GRB10: variants seen among roughly 807,000 people sequenced by gnomAD.
GRB10 encodes the protein growth factor receptor bound protein 10.
Under a neutral mutation model 80.9 loss-of-function variants are expected in GRB10, and 20 were observed. The ratio of observed to expected loss-of-function variants is 0.25; its 90% confidence interval spans 0.17 to 0.36. The LOEUF is 0.36. Among genes scored for constraint, GRB10 ranks in the 10% least tolerant of loss-of-function variants. GRB10 has a pLI of 1.00. For missense variants in GRB10, 548 were observed against 747.7 expected, an observed-to-expected ratio of 0.73 and a Z score of 3.12; for synonymous variants, 291 against 291.5, an observed-to-expected ratio of 1.00 and a Z score of 0.02.
rs760888478 is a variant in GRB10 at position 50,605,422 on chromosome 7, C to T, written c.1273-16G>A. The stretch of plus-strand genomic sequence containing the variant: ...AGACACTGCGCTGAAAAGGAAAGGC[C>T]GCAGTTCTTAAAATGCAGGGAAATA... On this transcript the variant is annotated splice_polypyrimidine_tract_variant and intron_variant, in intron 14 of 18. Transcript: ENST00000401949. 36 of 1,594,392 alleles carry T rather than the reference C, an allele frequency of 2.3e-5. No homozygotes were observed. In the East Asian group the frequency reaches 3.8e-4, roughly 17 times the overall value.
At chr7:50,724,366 T>C (rs988128703) in intron 4 of GRB10, among the ~76,000 whole-genome samples, 1 of 152,196 alleles carries the variant, frequency 6.6e-6, no homozygotes, top group Admixed American at 6.5e-5. Context: ...AAAAATACGA[T>C]ACACACCCAC....
chr7:50,770,146 G>A lies in GRB10; in HGVS notation c.-217+10481C>T, dbSNP rs995547749. Among the ~76,000 whole-genome samples, 7 of 152,200 alleles carry A rather than the reference G, an allele frequency of 4.6e-5. No individual in the cohort carries two copies. The East Asian group carries it at 1.3e-3, about 29-fold the overall frequency. Reference sequence around the variant, plus strand: ...CCTGGTCCCAGGCTCTCTAGACTCAGGCGACTGAAGCTAATCACTTCATCT... The same window carrying A: ...CCTGGTCCCAGGCTCTCTAGACTCAAGCGACTGAAGCTAATCACTTCATCT... On this transcript the variant is annotated intron_variant, in intron 2 of 18. Transcript: ENST00000401949.
chr7:50,785,684 C>T (rs2078664088), upstream of GRB10, among the ~76,000 whole-genome samples: 1 of 152,272 alleles, frequency 6.6e-6, no homozygotes, highest in African/African-American at 2.4e-5. Flanking sequence ...TCCCTCCTTC[C>T]AGCCTCCCTC....
At chr7:50,661,612 CTT>C (rs912362419) in intron 7 of GRB10, among the ~76,000 whole-genome samples, 7 of 152,204 alleles carry the variant, frequency 4.6e-5, no homozygotes, top group African/African-American at 1.7e-4. Flanking sequence ...ACCCCGCCCT[CTT>C]GTCTCAGCAC....
chr7:50,666,353 G>A (rs1460743862), intron 7 of GRB10, among the ~76,000 whole-genome samples: 1 of 152,204 alleles, frequency 6.6e-6, no homozygotes, highest in African/African-American at 2.4e-5. Flanking sequence ...GAGGGAGGCG[G>A]CATTGGAGGA....
rs1446799335 is a variant in GRB10, at chr7:50,674,625, T to C, written c.173A>G (p.Asp58Gly). ...DDVDLEALVN[D>G]MNASLESLYS... Reference sequence around the variant, plus strand: ...CAGGCTCTCCAGGGATGCATTCATATCGTTCACCAGGGCTTCCAGGTCCAC... The same window carrying C: ...CAGGCTCTCCAGGGATGCATTCATACCGTTCACCAGGGCTTCCAGGTCCAC... The change falls in exon 6 of 19, where the codon GAT becomes GGT. Residue 58 changes from aspartate to glycine, a missense_variant. Transcript: ENST00000401949. 3 of 1,613,880 alleles carry C rather than the reference T, an allele frequency of 1.9e-6. No individual in the cohort carries two copies. Among genetic ancestry groups the C allele is most frequent in the Non-Finnish European group, 1.7e-6 (2 of 1,180,036 alleles).
rs937362088 is a variant in GRB10 at position 50,590,147 on chromosome 7, A to T, written c.*2805T>A. The T allele has an allele frequency of 3.3e-5, 5 of 152,248 alleles. No homozygotes were observed. Among genetic ancestry groups the T allele is most frequent in the African/African-American group, 7.2e-5 (3 of 41,466 alleles). The allele number at this position is 152,248 out of a possible 1,614,324, so 9.4% of individuals were successfully genotyped here. A position where few individuals can be genotyped will look rare whatever the true frequency, so the allele number is the denominator to read the frequency against. The stretch of plus-strand genomic sequence containing the variant: ...CCTTATTTGTACAAAAATACCTGAA[A>T]GTTTACAATTAGGTTCACGAGCCAA... On this transcript the variant is annotated 3_prime_UTR_variant, in exon 19 of 19. Transcript: ENST00000401949.
Position 50,782,164 on chromosome 7 carries a change from T to C in GRB10, c.-327+260A>G, listed in dbSNP as rs1372221305. The stretch of plus-strand genomic sequence containing the variant: ...TACAGTTATTACTCGTTACATAATA[T>C]TAAACAATTAAGATTAAAAATGGTT... On this transcript the variant is annotated intron_variant, in intron 1 of 18. Transcript: ENST00000401949. The surrounding 1 kb of genome is among the most constrained non-coding windows in gnomAD (Gnocchi z 6.6). Among the ~76,000 whole-genome samples, 8 of 152,188 alleles carry C rather than the reference T, an allele frequency of 5.3e-5. No individual in the cohort carries two copies. The highest frequency in any genetic ancestry group is 8.8e-5 in the Non-Finnish European group (6 of 68,024).
chr7:50,770,110 C>T (rs2076831857), intron 2 of GRB10, among the ~76,000 whole-genome samples: 1 of 152,206 alleles, frequency 6.6e-6, no homozygotes, highest in Non-Finnish European at 1.5e-5. Context: ...CCCTCAAATG[C>T]TGCTGCCCTG....
At chr7:50,792,302 C>A (rs957808870) in intron 1 of GRB10, 3 of 368,274 alleles carry the variant, frequency 8.1e-6, no homozygotes, top group Non-Finnish European at 1.4e-5. Flanking sequence ...CTTTCAAACG[C>A]ATTGTAAAGA....
chr7:50,596,428 C>T (rs1241617341), intron 17 of GRB10, among the ~76,000 whole-genome samples: 2 of 152,162 alleles, frequency 1.3e-5, no homozygotes, highest in African/African-American at 4.8e-5. Context: ...GAGTGAGGAG[C>T]CTAGGCTGAG....
chr7:50,600,357 G>C (rs1190566962), intron 17 of GRB10, among the ~76,000 whole-genome samples: 1 of 152,206 alleles, frequency 6.6e-6, no homozygotes, highest in Non-Finnish European at 1.5e-5. Context: ...TTGAGAGACT[G>C]CTCTGTGATA....
rs752566781 is a variant in GRB10, at chr7:50,631,237, G to T, written c.505-4259C>A. Among the ~76,000 whole-genome samples the T allele has an allele frequency of 5.9e-4, 90 of 152,208 alleles. 1 individual carries two copies. The highest frequency in any genetic ancestry group is 8.5e-4 in the Non-Finnish European group (58 of 68,044). ...CAAAAGACCTCCTGACTGGCTGTGAGTCTTTGCTCAAGGCTCAGCAGTAAT... is the reference window on the plus strand; with the variant it reads ...CAAAAGACCTCCTGACTGGCTGTGATTCTTTGCTCAAGGCTCAGCAGTAAT... On this transcript the variant is annotated intron_variant, in intron 7 of 18. Transcript: ENST00000401949.
At chr7:50,699,217 GAC>G (rs1167031170) in intron 5 of GRB10, among the ~76,000 whole-genome samples, 1 of 151,862 alleles carries the variant, frequency 6.6e-6, no homozygotes, top group Non-Finnish European at 1.5e-5. Flanking sequence ...TTTGCAAAAA[GAC>G]ACATATTTCA....
chr7:50,700,100 C>T (rs915466981), intron 5 of GRB10, among the ~76,000 whole-genome samples: 2 of 152,186 alleles, frequency 1.3e-5, no homozygotes, highest in Non-Finnish European at 2.9e-5. Context: ...GATCTCACCA[C>T]TGCACTCCAG....
chr7:50,712,564 A>G (rs1242235227), intron 4 of GRB10, among the ~76,000 whole-genome samples: 1 of 152,240 alleles, frequency 6.6e-6, no homozygotes, highest in South Asian at 2.1e-4. Context: ...CAGGGAAAAT[A>G]CCACCACATA....
At chr7:50,710,365 A>T (rs1169624684) in intron 4 of GRB10, among the ~76,000 whole-genome samples, 3 of 148,770 alleles carry the variant, frequency 2.0e-5, no homozygotes, top group Non-Finnish European at 4.4e-5. Context: ...AAGCATCACA[A>T]GGTAGCCTGG....
chr7:50,749,594 A>G (rs1276200963), intron 3 of GRB10, among the ~76,000 whole-genome samples: 1 of 152,158 alleles, frequency 6.6e-6, no homozygotes, highest in Admixed American at 6.5e-5. Flanking sequence ...AACTTTGTAT[A>G]ATTTGTGGAA....
intron 17 of GRB10, among the ~76,000 whole-genome samples, chr7:50,600,668 CAA>C (rs1160336381): frequency 6.6e-6 from 1 of 152,146 alleles, no homozygotes; most frequent in African/African-American, 2.4e-5. Context: ...GTGGGAAAAA[CAA>C]AAGTGTCTGC....
Sources: allele counts gnomAD v4.1 joint callset (sites outside exome capture counted in the v4.1 genomes callset), GRCh38; gene constraint gnomAD v4.1.1; non-coding constraint Gnocchi (gnomAD v3.1); transcripts MANE v1.5; gene names NCBI Gene and HGNC (gene_info 2026-07-23, HGNC 2026-07-21).